DCDC1: variants seen among roughly 807,000 people sequenced by gnomAD.
DCDC1 encodes the protein doublecortin domain containing 1, also known as doublecortin domain-containing protein 1.
Under a neutral mutation model 178.3 loss-of-function variants are expected in DCDC1, and 200 were observed. That is an observed-to-expected ratio of 1.12 (90% confidence interval 1.00 to 1.26). DCDC1 has a LOEUF of 1.26. Ranked by LOEUF, DCDC1 falls within the 50% of genes most tolerant of loss-of-function variation. The pLI is 0.00. For missense variants in DCDC1, 1,983 were observed against 1,749.2 expected (o/e 1.13, Z -2.38); for synonymous variants, 690 against 604.8 (o/e 1.14, Z -2.07).
intron 20 of DCDC1, among the ~76,000 whole-genome samples, chr11:31,010,258 G>A (rs529022104): frequency 6.6e-6 from 1 of 152,332 alleles, no homozygotes; most frequent in African/African-American, 2.4e-5. Context: ...TCACAAGGCA[G>A]CAATCAAGAC....
chr11:31,184,659 A>G (rs1969254379), intron 9 of DCDC1, among the ~76,000 whole-genome samples: 1 of 152,246 alleles, frequency 6.6e-6, no homozygotes, highest in Non-Finnish European at 1.5e-5. Flanking sequence ...CAACAAACAT[A>G]TGGAAAAAGC....
chr11:30,953,691 A>G (rs1948571860), intron 20 of DCDC1, among the ~76,000 whole-genome samples: 1 of 152,292 alleles, frequency 6.6e-6, no homozygotes, highest in East Asian at 1.9e-4. Context: ...TCAGAAAGTC[A>G]AATATTAGAA....
intron 10 of DCDC1, among the ~76,000 whole-genome samples, chr11:31,135,279 T>C (rs959090432): frequency 3.3e-5 from 5 of 152,216 alleles, no homozygotes; most frequent in African/African-American, 9.6e-5. Context: ...CTTTCTCTTT[T>C]CCATTAGGAT....
chr11:31,345,978 A>G (rs969016713), intron 1 of DCDC1, among the ~76,000 whole-genome samples: 1 of 152,196 alleles, frequency 6.6e-6, no homozygotes. Flanking sequence ...CTGATATACT[A>G]TTGATTCACA....
intron 18 of DCDC1, among the ~76,000 whole-genome samples, chr11:31,073,170 A>G (rs1956670278): frequency 6.6e-6 from 1 of 152,214 alleles, no homozygotes; most frequent in Admixed American, 6.5e-5. Context: ...TTGGGAATTT[A>G]GAGTAGCTAT....
At chr11:31,081,339 G>A (rs1181364376) in intron 17 of DCDC1, among the ~76,000 whole-genome samples, 1 of 152,198 alleles carries the variant, frequency 6.6e-6, no homozygotes, top group East Asian at 1.9e-4. Flanking sequence ...GCCGGGCATG[G>A]TGGCTCACGC....
At chr11:31,309,140 G>A (rs1335051176) in intron 3 of DCDC1, among the ~76,000 whole-genome samples, 1 of 144,170 alleles carries the variant, frequency 6.9e-6, no homozygotes, top group East Asian at 2.0e-4. Flanking sequence ...GAAAATAGAT[G>A]TTTGTGTGTG....
At chr11:31,150,314 T>G (rs1273526360) in intron 9 of DCDC1, among the ~76,000 whole-genome samples, 1 of 152,088 alleles carries the variant, frequency 6.6e-6, no homozygotes, top group Non-Finnish European at 1.5e-5. Flanking sequence ...ATTAGTAAAA[T>G]AAACCAGTAG....
At chr11:31,185,177 C>G (rs1296510052) in intron 9 of DCDC1, among the ~76,000 whole-genome samples, 1 of 152,164 alleles carries the variant, frequency 6.6e-6, no homozygotes, top group African/African-American at 2.4e-5. Context: ...TCAAACACTG[C>G]GTGTTCTCAC....
intron 20 of DCDC1, among the ~76,000 whole-genome samples, chr11:31,050,366 C>G (rs1955160233): frequency 6.6e-6 from 1 of 152,194 alleles, no homozygotes; most frequent in Non-Finnish European, 1.5e-5. Flanking sequence ...CAAGGACAGT[C>G]TGAGCTCAGA....
intron 9 of DCDC1, among the ~76,000 whole-genome samples, chr11:31,193,047 C>T (rs145490503): frequency 1.8e-3 from 280 of 152,108 alleles, no homozygotes; most frequent in African/African-American, 6.3e-3. Flanking sequence ...AAACAAGTTG[C>T]CTTAAGTTAT....
intron 20 of DCDC1, among the ~76,000 whole-genome samples, chr11:30,964,014 T>C (rs763743097): frequency 1.3e-5 from 2 of 152,146 alleles, no homozygotes; most frequent in African/African-American, 2.4e-5. Flanking sequence ...TTCTCCAAGT[T>C]CTTCAAGGAA....
chr11:30,904,944 A>G lies in DCDC1; in HGVS notation c.4308+17T>C. The G allele has an allele frequency of 6.2e-7, 1 of 1,613,514 alleles. No individual in the cohort carries two copies. The highest frequency in any genetic ancestry group is 1.7e-4 in the Middle Eastern group (1 of 6,058). On this transcript the variant is annotated intron_variant, in intron 31 of 38. Coordinates refer to ENST00000684477, the MANE Select transcript of DCDC1 (RefSeq NM_001387274.1). ...ACCTCTGAAGATGCAAGCAGCATTT[A>G]AGTGATAGCCACTTACCATGGGGAA...
At chr11:31,353,142 C>G (rs1477590633) in intron 1 of DCDC1, among the ~76,000 whole-genome samples, 1 of 152,216 alleles carries the variant, frequency 6.6e-6, no homozygotes, top group Non-Finnish European at 1.5e-5. Context: ...GTAAATTTGA[C>G]TTGCAAACCA....
At position 31,321,387 on chromosome 11, in the gene DCDC1, C is replaced by T. The variant is rs578106723; in HGVS notation, c.164+6730G>A. On this transcript the variant is annotated intron_variant, in intron 3 of 38. Coordinates refer to ENST00000684477, the MANE Select transcript of DCDC1 (RefSeq NM_001387274.1). ...CCGTTTCTTAAGCCGGTCTGAAAAG[C>T]GCAATATTCGGGTGGGAGTGACCCG... Among the ~76,000 whole-genome samples the T allele has an allele frequency of 6.5e-4, 94 of 145,556 alleles. No individual in the cohort carries two copies. In the East Asian group the frequency reaches 0.017, roughly 26 times the overall value.
At chr11:31,365,075 A>G (rs573988973) in intron 1 of DCDC1, among the ~76,000 whole-genome samples, 1 of 152,254 alleles carries the variant, frequency 6.6e-6, no homozygotes, top group South Asian at 2.1e-4. Context: ...CAGTTATTTC[A>G]GTTCCTTTTT....
At chr11:31,053,192 A>G (rs1448220915) in intron 20 of DCDC1, among the ~76,000 whole-genome samples, 1 of 152,176 alleles carries the variant, frequency 6.6e-6, no homozygotes, top group Non-Finnish European at 1.5e-5. Flanking sequence ...GTCCAAGGCT[A>G]CTATGAACAC....
chr11:31,110,321 C>A lies in DCDC1; in HGVS notation c.1526G>T (p.Gly509Val), dbSNP rs911502548. The change falls in exon 12 of 39, where the codon GGT becomes GTT. Residue 509 changes from glycine (G) to valine (V), a missense_variant. Physicochemically the swap from Gly to Val is moderately radical, Grantham distance 109 (BLOSUM62 -3). Transcript: ENST00000684477. Reference sequence around the variant, plus strand: ...CGATCCCAAATCTTTTTTACTGATACCAACAGAGATCTCTCCAGTGTTTTT... The same window carrying A: ...CGATCCCAAATCTTTTTTACTGATAACAACAGAGATCTCTCCAGTGTTTTT... Reference protein sequence around the residue: ...NGKNTGEISVGISKKDLGSDS... With the variant: ...NGKNTGEISVVISKKDLGSDS... 17 of 709,090 alleles carry A rather than the reference C, an allele frequency of 2.4e-5. No homozygotes were observed. In the Admixed American group the frequency reaches 3.2e-4, roughly 13 times the overall value. 43.9% of individuals were successfully genotyped at this position (709,090 alleles called of 1,614,324 possible). A position where few individuals can be genotyped will look rare whatever the true frequency, so the allele number is the denominator to read the frequency against.
At chr11:31,195,562 C>T (rs1284982287) in intron 9 of DCDC1, among the ~76,000 whole-genome samples, 1 of 152,014 alleles carries the variant, frequency 6.6e-6, no homozygotes, top group African/African-American at 2.4e-5. Context: ...CTCGCTCATC[C>T]TTCAAGCCTC....
Sources: gnomAD v4.1 joint callset for allele counts (sites outside exome capture counted in the v4.1 genomes callset) on GRCh38, gnomAD v4.1.1 for gene constraint, MANE v1.5 for transcripts, NCBI Gene and HGNC (gene_info 2026-07-23, HGNC 2026-07-21) for gene names.